Variants in DNAH8 observed in about 807,000 individuals in gnomAD.
DNAH8 encodes axonemal beta dynein heavy chain 8.
A neutral mutation model predicts 562.1 loss-of-function variants in DNAH8; 382 were observed. That is an observed-to-expected ratio of 0.68 (90% confidence interval 0.63 to 0.74). DNAH8 has a LOEUF of 0.74. Ranked by LOEUF, DNAH8 falls within the 30% of genes least tolerant of loss-of-function variation. DNAH8 has a pLI of 0.00. For synonymous variants in DNAH8, 1,881 were observed against 1,919.4 expected (o/e 0.98, Z 0.52); for missense variants, 5,203 against 5,620.4 (o/e 0.93, Z 2.37).
At position 38,909,554 on chromosome 6, in the gene DNAH8, C is replaced by G. The variant is rs759979491; in HGVS notation, c.9550C>G (p.Pro3184Ala). 6.2e-7 allele frequency: 1 copy of G among 1,614,124 alleles called. No homozygotes were observed. The highest frequency in any genetic ancestry group is 1.1e-5 in the South Asian group (1 of 91,078). Residue 3184 changes from proline to alanine, a missense_variant, in exon 65 of 93, where the codon CCT (proline) becomes GCT (alanine). Around this residue, in one of 6 missense-constraint regions of DNAH8, gnomAD observed 977 missense variants for 1,061.8 expected, o/e 0.92. Transcript: ENST00000327475. Reference sequence around the variant, plus strand: ...GTTCCGTGCCCGTTCTTTGAAATTTCCTGGCTTGATATCAGGTTGCACTAT... The same window carrying G: ...GTTCCGTGCCCGTTCTTTGAAATTTGCTGGCTTGATATCAGGTTGCACTAT... ...EKFRARSLKF[P>A]GLISGCTMDW...
chr6:38,977,139 G>C (rs1259063580), intron 85 of DNAH8, among the ~76,000 whole-genome samples: 2 of 152,208 alleles, frequency 1.3e-5, no homozygotes, highest in African/African-American at 4.8e-5. Flanking sequence ...AATTTGGCTG[G>C]TCAAGGATAA....
At chr6:38,877,603 T>C (rs1181016120) in intron 53 of DNAH8, among the ~76,000 whole-genome samples, 1 of 152,210 alleles carries the variant, frequency 6.6e-6, no homozygotes, top group Non-Finnish European at 1.5e-5. Context: ...TAAGATATTA[T>C]GCACTTAGTG....
chr6:38,776,755 A>T (rs974344629), intron 13 of DNAH8, among the ~76,000 whole-genome samples: 11 of 152,196 alleles, frequency 7.2e-5, no homozygotes, highest in Admixed American at 7.2e-4. Flanking sequence ...CAGATGGATG[A>T]AGGGTAGTCA....
chr6:38,797,386 A>G (rs1738235), intron 21 of DNAH8, among the ~76,000 whole-genome samples: 15 of 152,214 alleles, frequency 9.9e-5, no homozygotes, highest in African/African-American at 3.6e-4. Flanking sequence ...TCCTAGATAA[A>G]TAATAGTGAA....
intron 36 of DNAH8, among the ~76,000 whole-genome samples, chr6:38,847,871 C>T (rs940058711): frequency 6.6e-6 from 1 of 152,192 alleles, no homozygotes; most frequent in African/African-American, 2.4e-5. Flanking sequence ...TTGTGCTCAG[C>T]TTTCTGGACC....
intron 9 of DNAH8, 21 bp from the exon 10 acceptor site, chr6:38,755,951 C>A (rs921968671): frequency 7.4e-7 from 1 of 1,345,398 alleles, no homozygotes. Context: ...ATGGAATTCA[C>A]TTAATTTGTT....
chr6:38,802,251 G>GT (rs1249926662), intron 21 of DNAH8, among the ~76,000 whole-genome samples: 2 of 150,984 alleles, frequency 1.3e-5, no homozygotes, highest in South Asian at 2.1e-4. Flanking sequence ...TTACTTTTAC[G>GT]TTTTTTTTTT....
intron 25 of DNAH8, 148 bp from the exon 26 acceptor site, chr6:38,815,320 C>T: frequency 1.8e-6 from 1 of 567,310 alleles, no homozygotes; most frequent in Non-Finnish European, 3.1e-6. Context: ...GCATCCTCCC[C>T]ATCTTCCTCT....
At chr6:38,848,174 A>T (rs1775447950) in intron 36 of DNAH8, among the ~76,000 whole-genome samples, 1 of 152,098 alleles carries the variant, frequency 6.6e-6, no homozygotes, top group African/African-American at 2.4e-5. Flanking sequence ...CTCTTGCTGG[A>T]TGAAACCTTC....
At chr6:38,792,349 A>G (rs955775443) in intron 21 of DNAH8, among the ~76,000 whole-genome samples, 1 of 152,098 alleles carries the variant, frequency 6.6e-6, no homozygotes, top group Non-Finnish European at 1.5e-5. Flanking sequence ...AGCCTCCCAA[A>G]GTGCTGGGAT....
chr6:38,895,021 C>G (rs570315133), intron 59 of DNAH8, among the ~76,000 whole-genome samples, 157 bp downstream of exon 59: 1 of 152,080 alleles, frequency 6.6e-6, no homozygotes, highest in Non-Finnish European at 1.5e-5. Context: ...CTCTGCCTCC[C>G]GGGTTCAAGT....
Position 38,904,836 on chromosome 6 carries a change from C to T in DNAH8, c.9195-1418C>T, listed in dbSNP as rs1174597818. ...AAGAAAGAATCTGAAAATGTTAAGACATGAAAAGTGGCAACTGATATGCAT... is the reference window on the plus strand; with the variant it reads ...AAGAAAGAATCTGAAAATGTTAAGATATGAAAAGTGGCAACTGATATGCAT... On this transcript the variant is annotated intron_variant, in intron 62 of 92. Transcript: ENST00000327475. Among the ~76,000 whole-genome samples the T allele has an allele frequency of 6.2e-5, 9 of 144,480 alleles. No homozygotes were observed. The East Asian group carries it at 1.4e-3, about 23-fold the overall frequency. The allele number at this position is 144,480 out of a possible 152,430, so 94.8% of individuals were successfully genotyped here.
rs1223769377 is a variant in DNAH8 at position 38,848,774 on chromosome 6, T to C, written c.5172T>C (p.Gly1724=). 6.2e-7 allele frequency: 1 copy of C among 1,613,330 alleles called. No homozygotes were observed. The highest frequency in any genetic ancestry group is 8.5e-7 in the Non-Finnish European group (1 of 1,179,552). Residue 1724 remains glycine, a synonymous_variant, in exon 37 of 93, where the codon GGT becomes GGC. Transcript: ENST00000327475. ...LWVYLEAVFV[G]GDIAKQLPQE... is the part of the protein sequence containing the mutation. ...TTTATCTTGAAGCCGTCTTTGTAGG[T>C]GGAGATATTGCCAAACAGCTGCCTC...
chr6:38,991,604 C>T (rs942975319), intron 88 of DNAH8, among the ~76,000 whole-genome samples: 30 of 152,182 alleles, frequency 2.0e-4, no homozygotes, highest in African/African-American at 6.5e-4. Context: ...GACCTACATA[C>T]AGATGACCTA....
At chr6:38,820,978 T>A (rs1487290371) in intron 26 of DNAH8, among the ~76,000 whole-genome samples, 1 of 152,166 alleles carries the variant, frequency 6.6e-6, no homozygotes, top group East Asian at 1.9e-4. Context: ...TAGTGGAAAT[T>A]CTATCAAGTG....
intron 8 of DNAH8, among the ~76,000 whole-genome samples, chr6:38,747,169 T>C (rs1222754081): frequency 1.3e-5 from 2 of 152,148 alleles, no homozygotes; most frequent in Non-Finnish European, 2.9e-5. Flanking sequence ...TTTCATTTAA[T>C]CCTCACATCA....
At chr6:38,925,436 A>G (rs1004933155) in intron 73 of DNAH8, among the ~76,000 whole-genome samples, 13 of 151,834 alleles carry the variant, frequency 8.6e-5, no homozygotes, top group African/African-American at 3.2e-4. Context: ...CCTGGGCTCA[A>G]GTGACCCTCC....
chr6:38,917,385 A>G lies in DNAH8; in HGVS notation c.10287A>G (p.Pro3429=), dbSNP rs369728224. ...ATCCAGAAAAATCTTGCTGTAAGCC[A>G]TCATGGGGAGAGTCATTAAAGGTAA... The part of the protein sequence containing the change: ...TMDPEKSCCK[P]SWGESLKLMS... Residue 3429 remains proline (P), a synonymous_variant, in exon 69 of 93, where the codon CCA becomes CCG. Coordinates refer to ENST00000327475, the MANE Select transcript of DNAH8 (RefSeq NM_001206927.2). 77 of 1,613,338 alleles carry G rather than the reference A, an allele frequency of 4.8e-5. No homozygotes were observed. In the African/African-American group the frequency reaches 8.7e-4, roughly 18 times the overall value.
chr6:38,962,115 A>G (rs1302978419), intron 82 of DNAH8, among the ~76,000 whole-genome samples: 2 of 152,070 alleles, frequency 1.3e-5, no homozygotes, highest in East Asian at 1.9e-4. Flanking sequence ...AAAGAAAACT[A>G]TAAAACCTTC....
Sources: allele counts gnomAD v4.1 joint callset (sites outside exome capture counted in the v4.1 genomes callset), GRCh38; gene constraint gnomAD v4.1.1; regional missense constraint gnomAD v4.1.1; transcripts MANE v1.5; gene names NCBI Gene and HGNC (gene_info 2026-07-23, HGNC 2026-07-21).